Variants in DLGAP4 observed in about 807,000 individuals in gnomAD.
DLGAP4 encodes the protein disks large-associated protein 4.
In DLGAP4, 18 loss-of-function variants were observed where a neutral mutation model predicts 86.9. The observed-to-expected ratio is 0.21, with a 90% CI of 0.14 to 0.31. DLGAP4 has a LOEUF of 0.31. DLGAP4 is among the 10% of genes least tolerant of loss of function. The probability of loss-of-function intolerance (pLI) is 1.00; values close to 1 mark genes in which losing one functional copy is unlikely to be tolerated. For missense variants in DLGAP4, 1,085 were observed against 1,362.6 expected (o/e 0.80, Z 3.21); for synonymous variants, 548 against 574.3 (o/e 0.95, Z 0.65).
At chr20:36,512,546 C>A (rs1286613869) in intron 10 of DLGAP4, 1 of 152,288 alleles carries the variant, frequency 6.6e-6, no homozygotes, top group African/African-American at 2.4e-5. Flanking sequence ...AAATCCCTCC[C>A]CTCATGGGAA....
At position 36,432,751 on chromosome 20, in the gene DLGAP4, G is replaced by T. The variant is rs1277484863; in HGVS notation, c.999+35G>T. 6.2e-7 allele frequency: 1 copy of T among 1,607,014 alleles called. No individual in the cohort carries two copies. The highest frequency in any genetic ancestry group is 8.5e-7 in the Non-Finnish European group (1 of 1,176,828). ...TGGCAGGGTCAGGGGTGGGATGAGG[G>T]CTCTGGGGACGGCACCAGTTTTGAG... On this transcript the variant is annotated intron_variant, in intron 3 of 12. Transcript: ENST00000339266. This position sits in a 1 kb window ranked among gnomAD's most constrained non-coding sequence, Gnocchi z 6.5.
chr20:36,320,669 C>G (rs2065159032), intron 1 of DLGAP4, among the ~76,000 whole-genome samples: 1 of 152,138 alleles, frequency 6.6e-6, no homozygotes, highest in African/African-American at 2.4e-5. Flanking sequence ...GCAGCCACAC[C>G]TGGTACCTGG....
At chr20:36,487,983 C>T (rs1384541476) in intron 7 of DLGAP4, among the ~76,000 whole-genome samples, 3 of 152,012 alleles carry the variant, frequency 2.0e-5, no homozygotes, top group African/African-American at 7.3e-5. Context: ...GGGTGGATCA[C>T]GAGGTTGGGA....
intron 1 of DLGAP4, among the ~76,000 whole-genome samples, chr20:36,366,608 C>T (rs2030696565): frequency 6.6e-6 from 1 of 152,170 alleles, no homozygotes; most frequent in South Asian, 2.1e-4. Context: ...AACTGAGGCT[C>T]AGAAAGGGGA....
chr20:36,471,138 A>C (rs1048889930), intron 7 of DLGAP4, among the ~76,000 whole-genome samples: 1 of 151,968 alleles, frequency 6.6e-6, no homozygotes, highest in Non-Finnish European at 1.5e-5. Context: ...TTCCTCCATG[A>C]GCTCCTCTCG....
intron 1 of DLGAP4, among the ~76,000 whole-genome samples, chr20:36,341,999 G>T (rs782436587): frequency 1.9e-4 from 29 of 152,226 alleles, no homozygotes; most frequent in Non-Finnish European, 3.1e-4. Context: ...GCAGCAGGCT[G>T]TTGGATCGGG....
intron 2 of DLGAP4, among the ~76,000 whole-genome samples, chr20:36,374,460 A>G (rs1461312505): frequency 6.6e-6 from 1 of 152,202 alleles, no homozygotes; most frequent in African/African-American, 2.4e-5. Flanking sequence ...CAACTATAGG[A>G]TGAGAGGAGG....
At chr20:36,470,967 C>T (rs533901273) in intron 7 of DLGAP4, among the ~76,000 whole-genome samples, 31 of 152,328 alleles carry the variant, frequency 2.0e-4, no homozygotes, top group Non-Finnish European at 3.7e-4. Flanking sequence ...TGCACGAGTG[C>T]ATGTGTAGCT....
At chr20:36,427,501 G>GGGAAGGAAGGAA (rs557209124) in intron 2 of DLGAP4, among the ~76,000 whole-genome samples, 45 of 150,354 alleles carry the variant, frequency 3.0e-4, no homozygotes, top group African/African-American at 1.1e-3. Flanking sequence ...GAGGGAGGGA[G>GGGAAGGAAGGAA]GGAAGGAAGG....
At chr20:36,326,983 T>C (rs1450334029) in intron 1 of DLGAP4, among the ~76,000 whole-genome samples, 3 of 151,544 alleles carry the variant, frequency 2.0e-5, no homozygotes, top group Non-Finnish European at 4.4e-5. Flanking sequence ...TCTGGCTACT[T>C]TTAAGATTTT....
chr20:36,392,367 G>C (rs2031812508), intron 2 of DLGAP4, among the ~76,000 whole-genome samples: 1 of 152,136 alleles, frequency 6.6e-6, no homozygotes, highest in South Asian at 2.1e-4. Flanking sequence ...TTGTTTGTTT[G>C]CTTGTTTTGG....
intron 2 of DLGAP4, among the ~76,000 whole-genome samples, chr20:36,389,330 G>T (rs975642712): frequency 3.9e-5 from 6 of 152,194 alleles, no homozygotes; most frequent in Admixed American, 2.6e-4. Flanking sequence ...GGAGTCAGGT[G>T]GTTCGAGTAC....
chr20:36,420,450 A>G (rs1320433683), intron 2 of DLGAP4, among the ~76,000 whole-genome samples: 2 of 152,184 alleles, frequency 1.3e-5, no homozygotes, highest in Non-Finnish European at 2.9e-5. Flanking sequence ...TGGATCAGGT[A>G]GGGCAAAAGC....
chr20:36,516,670 A>G (rs1317059442), intron 10 of DLGAP4, among the ~76,000 whole-genome samples: 5 of 143,982 alleles, frequency 3.5e-5, no homozygotes, highest in Non-Finnish European at 7.7e-5. Flanking sequence ...CGTCTCAGGA[A>G]AAAAAAAAAA....
At chr20:36,461,844 C>T in intron 7 of DLGAP4, 3 of 984,070 alleles carry the variant, frequency 3.0e-6, no homozygotes, top group Non-Finnish European at 3.6e-6. Flanking sequence ...CTCCCCGGCT[C>T]GCTGTCTCTT....
intron 2 of DLGAP4, among the ~76,000 whole-genome samples, chr20:36,392,530 C>A (rs1042982202): frequency 2.5e-5 from 3 of 118,236 alleles, no homozygotes; most frequent in Non-Finnish European, 3.7e-5. Context: ...ACCACCACGC[C>A]CGGCTAATTT....
chr20:36,444,201 T>C (rs893893325), intron 6 of DLGAP4, among the ~76,000 whole-genome samples: 5 of 152,258 alleles, frequency 3.3e-5, no homozygotes, highest in Non-Finnish European at 5.9e-5. Context: ...TTATCAGTAC[T>C]GTACAGTAGA....
intron 10 of DLGAP4, among the ~76,000 whole-genome samples, chr20:36,513,400 T>C (rs1281734972): frequency 6.9e-6 from 1 of 143,932 alleles, no homozygotes; most frequent in Non-Finnish European, 1.5e-5. Context: ...TACAAAAAAT[T>C]AGCCGGGCGC....
intron 10 of DLGAP4, among the ~76,000 whole-genome samples, chr20:36,504,214 A>G (rs2036266512): frequency 6.6e-6 from 1 of 152,228 alleles, no homozygotes; most frequent in Non-Finnish European, 1.5e-5. Flanking sequence ...CATCTAAAAC[A>G]TAGAATCTAC....
Sources: allele counts gnomAD v4.1 joint callset (sites outside exome capture counted in the v4.1 genomes callset), GRCh38; gene constraint gnomAD v4.1.1; non-coding constraint Gnocchi (gnomAD v3.1); transcripts MANE v1.5; gene names NCBI Gene and HGNC (gene_info 2026-07-23, HGNC 2026-07-21).